TEX29: variants seen among roughly 807,000 people sequenced by gnomAD.
TEX29 encodes testis expressed 29, also known as testis-expressed protein 29.
A neutral mutation model predicts 18.2 loss-of-function variants in TEX29; 26 were observed. The ratio of observed to expected loss-of-function variants is 1.43; its 90% CI spans 1.04 to 1.98. The LOEUF (loss-of-function observed/expected upper bound fraction) is 1.98, where lower values mean the gene tolerates loss of function less well. Among genes scored for constraint, TEX29 ranks in the 30% most tolerant of loss-of-function variants. TEX29 has a pLI of 0.00. For synonymous variants in TEX29, 83 were observed against 78.5 expected (o/e 1.06, Z -0.31); for missense variants, 177 against 194.2 (o/e 0.91, Z 0.53).
At chr13:111,331,927 C>T (rs186023844) in intron 3 of TEX29, among the ~76,000 whole-genome samples, 62 of 152,268 alleles carry the variant, frequency 4.1e-4, no homozygotes, top group East Asian at 1.2e-3. Flanking sequence ...TATCCTTAGC[C>T]GGTGCCACAG....
intron 2 of TEX29, among the ~76,000 whole-genome samples, chr13:111,325,797 G>A (rs2093671914): frequency 6.6e-6 from 1 of 152,206 alleles, no homozygotes; most frequent in South Asian, 2.1e-4. Flanking sequence ...TTTAAAATGA[G>A]AAAGAATGTA....
At chr13:111,334,581 T>G (rs893763973) in intron 3 of TEX29, among the ~76,000 whole-genome samples, 2 of 152,232 alleles carry the variant, frequency 1.3e-5, no homozygotes, top group African/African-American at 2.4e-5. Context: ...CCCTCTAGAT[T>G]CCCAGGAATG....
At chr13:111,317,608 G>T (rs1205747066), upstream of TEX29, among the ~76,000 whole-genome samples, 2 of 152,240 alleles carry the variant, frequency 1.3e-5, no homozygotes, top group East Asian at 1.9e-4. Flanking sequence ...TCGGTTTATT[G>T]TCCCAGCGAA....
chr13:111,323,525 T>A (rs963062906), intron 2 of TEX29, among the ~76,000 whole-genome samples: 1 of 152,176 alleles, frequency 6.6e-6, no homozygotes. Flanking sequence ...CCGGTGTGAG[T>A]TCTTCTCTGA....
At chr13:111,324,801 C>T (rs1460390056) in intron 2 of TEX29, among the ~76,000 whole-genome samples, 1 of 152,238 alleles carries the variant, frequency 6.6e-6, no homozygotes, top group Non-Finnish European at 1.5e-5. Flanking sequence ...CATGCCCCTC[C>T]TGAACCTTTC....
At chr13:111,320,829 G>T in intron 1 of TEX29, 28 bp from the exon 2 acceptor site, 2 of 1,609,030 alleles carry the variant, frequency 1.2e-6, no homozygotes, top group Non-Finnish European at 1.7e-6. Flanking sequence ...CCAGGGCCCC[G>T]CCCGTGCTGA....
intron 2 of TEX29, among the ~76,000 whole-genome samples, chr13:111,323,096 A>G (rs752650598): frequency 2.6e-5 from 4 of 152,032 alleles, no homozygotes; most frequent in African/African-American, 9.7e-5. Context: ...AAGCCCACCC[A>G]CTCTGCAGCC....
chr13:111,322,334 CCT>C (rs2093666141), intron 2 of TEX29, among the ~76,000 whole-genome samples: 1 of 136,922 alleles, frequency 7.3e-6, no homozygotes, highest in South Asian at 2.7e-4. Context: ...TGGGGTGGCC[CCT>C]CTCATATTCT....
intron 3 of TEX29, among the ~76,000 whole-genome samples, chr13:111,335,372 G>C (rs940492390): frequency 1.1e-4 from 17 of 152,230 alleles, no homozygotes; most frequent in Admixed American, 1.1e-3. Context: ...AGGCCTTCCA[G>C]TGTTGAACGG....
Position 111,339,937 on chromosome 13 carries a change from G to C in TEX29, c.239+5G>C. On this transcript the variant is annotated splice_donor_5th_base_variant and intron_variant, in intron 4 of 5. Coordinates refer to ENST00000283547, the MANE Select transcript of TEX29 (RefSeq NM_152324.3). Reference sequence around the variant, plus strand: ...CGTCATCACCATCATCTACAGGTCGGTCCCTTTGTTCTTTACTGGGAGGGT... The same window carrying C: ...CGTCATCACCATCATCTACAGGTCGCTCCCTTTGTTCTTTACTGGGAGGGT... 6.5e-7 allele frequency: 1 copy of C among 1,548,978 alleles called. No homozygotes were observed.
upstream of TEX29, among the ~76,000 whole-genome samples, chr13:111,320,292 C>T (rs1394663107): frequency 6.6e-6 from 1 of 152,244 alleles, no homozygotes; most frequent in Non-Finnish European, 1.5e-5. Context: ...GTTTTGTTCT[C>T]TGCTGCACCC....
At chr13:111,320,974 CG>C (rs772346400) in intron 2 of TEX29, 26 bp downstream of exon 2, 2 of 165,116 alleles carry the variant, frequency 1.2e-5, no homozygotes, top group East Asian at 1.8e-4. Context: ...GCCAGGGGGG[CG>C]GGTGGGGTGG....
chr13:111,330,337 C>T (rs1446162258), intron 3 of TEX29, among the ~76,000 whole-genome samples: 1 of 152,122 alleles, frequency 6.6e-6, no homozygotes, highest in East Asian at 1.9e-4. Flanking sequence ...GGATTTGGCA[C>T]CTCATCAAAA....
intron 3 of TEX29, chr13:111,339,496 T>G (rs1316657750): frequency 2.5e-6 from 1 of 406,806 alleles, no homozygotes. Context: ...CAGCGCCGTC[T>G]CTCAATGCAC....
At chr13:111,319,305 T>C (rs771905565), upstream of TEX29, among the ~76,000 whole-genome samples, 8 of 152,180 alleles carry the variant, frequency 5.3e-5, no homozygotes, top group Non-Finnish European at 1.0e-4. Context: ...AAAGCCAAAA[T>C]GTTGGCCCAA....
intron 3 of TEX29, among the ~76,000 whole-genome samples, chr13:111,339,087 C>T (rs772500751): frequency 6.6e-5 from 10 of 152,194 alleles, no homozygotes; most frequent in Admixed American, 2.6e-4. Context: ...CAGTTACCCC[C>T]GTCTTGGAGA....
At chr13:111,335,125 G>A (rs921605356) in intron 3 of TEX29, among the ~76,000 whole-genome samples, 1 of 152,194 alleles carries the variant, frequency 6.6e-6, no homozygotes, top group African/African-American at 2.4e-5. Context: ...TTGTTTTTAT[G>A]GAGGAAGAAA....
chr13:111,337,485 G>C (rs554228570), intron 3 of TEX29, among the ~76,000 whole-genome samples: 1 of 152,092 alleles, frequency 6.6e-6, no homozygotes, highest in Non-Finnish European at 1.5e-5. Context: ...ACTGGCCCAA[G>C]AGAGATCAGG....
At chr13:111,321,004 G>GCCCC in intron 2 of TEX29, 56 bp downstream of exon 2, 1 of 545,382 alleles carries the variant, frequency 1.8e-6, no homozygotes, top group Non-Finnish European at 3.5e-6. Context: ...TTGGGGGGGG[G>GCCCC]CACAGGGAGG....
Sources: gnomAD v4.1 joint callset for allele counts (sites outside exome capture counted in the v4.1 genomes callset) on GRCh38, gnomAD v4.1.1 for gene constraint, MANE v1.5 for transcripts, NCBI Gene and HGNC (gene_info 2026-07-23, HGNC 2026-07-21) for gene names.